KCNK3: variants seen among roughly 807,000 people sequenced by gnomAD.
The protein encoded by KCNK3 is potassium channel subfamily K member 3.
A neutral mutation model predicts 27.3 loss-of-function variants in KCNK3; 9 were observed. The ratio of observed to expected loss-of-function variants is 0.33; its 90% CI spans 0.20 to 0.57. The LOEUF is 0.57. Among genes scored for constraint, KCNK3 ranks in the 20% least tolerant of loss-of-function variants. KCNK3 has a pLI of 0.87. For synonymous variants in KCNK3, 278 were observed against 273.8 expected (o/e 1.02, Z -0.15); for missense variants, 391 against 577.7 (o/e 0.68, Z 3.31).
At chr2:26,718,776 T>G (rs1374443823) in intron 1 of KCNK3, among the ~76,000 whole-genome samples, 3 of 119,230 alleles carry the variant, frequency 2.5e-5, no homozygotes, top group African/African-American at 7.7e-5. Context: ...GCCTAGCTAA[T>G]TTTTCGTTTT....
At chr2:26,722,313 C>T (rs1350578587) in intron 1 of KCNK3, among the ~76,000 whole-genome samples, 1 of 152,216 alleles carries the variant, frequency 6.6e-6, no homozygotes, top group Non-Finnish European at 1.5e-5. Flanking sequence ...AAACACTGAT[C>T]ATAGAATGTT....
At position 26,726,525 on chromosome 2, in the gene KCNK3, T is replaced by C. The variant is rs545009541; in HGVS notation, c.284-1142T>C. On this transcript the variant is annotated intron_variant, in intron 1 of 1. Coordinates refer to ENST00000302909, the MANE Select transcript of KCNK3 (RefSeq NM_002246.3). ...CATTTTATTATCATAATTATGTTAATAAAAGTAGTAAATATATCAACAATA... is the reference window on the plus strand; with the variant it reads ...CATTTTATTATCATAATTATGTTAACAAAAGTAGTAAATATATCAACAATA... Among the ~76,000 whole-genome samples the C allele has an allele frequency of 5.3e-5, 8 of 152,250 alleles. No homozygotes were observed. In the South Asian group the frequency reaches 1.5e-3, roughly 28 times the overall value.
chr2:26,715,686 G>A (rs1393432454), intron 1 of KCNK3, among the ~76,000 whole-genome samples: 6 of 152,212 alleles, frequency 3.9e-5, no homozygotes, highest in African/African-American at 1.4e-4. Flanking sequence ...CCTGAGGGCC[G>A]GGAGGGTGTA....
At chr2:26,702,835 G>A (rs1428425157) in intron 1 of KCNK3, among the ~76,000 whole-genome samples, 1 of 152,140 alleles carries the variant, frequency 6.6e-6, no homozygotes, top group Non-Finnish European at 1.5e-5. Context: ...GGCAGGCTGG[G>A]TCGGGCGTGG....
At position 26,731,501 on chromosome 2, in the gene KCNK3, C is replaced by T. The variant is rs1018383820; in HGVS notation, c.*2933C>T. 1 of 152,430 alleles carries T rather than the reference C, an allele frequency of 6.6e-6. No homozygotes were observed. The highest frequency in any genetic ancestry group is 1.5e-5 in the Non-Finnish European group (1 of 68,248). 9.4% of individuals were successfully genotyped at this position (152,430 alleles called of 1,614,324 possible). A position where few individuals can be genotyped will look rare whatever the true frequency, so the allele number is the denominator to read the frequency against. The stretch of plus-strand genomic sequence containing the variant: ...GCTGACGCACGAGAATCGCTTGAAC[C>T]CGGGAGGCGGAGGTTGCAGTGAGCT... On this transcript the variant is annotated 3_prime_UTR_variant, in exon 2 of 2. Transcript: ENST00000302909.
intron 1 of KCNK3, among the ~76,000 whole-genome samples, chr2:26,715,144 C>T (rs1663206302): frequency 6.6e-6 from 1 of 152,242 alleles, no homozygotes; most frequent in African/African-American, 2.4e-5. Flanking sequence ...AGCTTGTCCC[C>T]TGGCTCAGAC....
At chr2:26,701,058 C>T (rs1332550930) in intron 1 of KCNK3, among the ~76,000 whole-genome samples, 1 of 152,138 alleles carries the variant, frequency 6.6e-6, no homozygotes, top group Non-Finnish European at 1.5e-5. Flanking sequence ...TCTGCATTTC[C>T]AAAAAGCCCC....
intron 1 of KCNK3, among the ~76,000 whole-genome samples, chr2:26,698,730 C>G (rs937950682): frequency 3.3e-5 from 5 of 152,152 alleles, no homozygotes; most frequent in Non-Finnish European, 7.3e-5. Flanking sequence ...TCCCCACCCC[C>G]CATCTCCCCG....
rs192205278 is a variant in KCNK3 at position 26,708,947 on chromosome 2, G to C, written c.283+15789G>C. Reference sequence around the variant, plus strand: ...GGTGGTGGTGGAGACAGAGCTTGTGGGTGGATTGAGCTATGTTTGAGAGGC... The same window carrying C: ...GGTGGTGGTGGAGACAGAGCTTGTGCGTGGATTGAGCTATGTTTGAGAGGC... On this transcript the variant is annotated intron_variant, in intron 1 of 1. Transcript: ENST00000302909. Among the ~76,000 whole-genome samples, 702 of 152,308 alleles carry C rather than the reference G, an allele frequency of 4.6e-3. 8 individuals are homozygous for C. Among genetic ancestry groups the C allele is most frequent in the African/African-American group, 0.015 (643 of 41,566 alleles).
At position 26,708,654 on chromosome 2, in the gene KCNK3, G is replaced by A. The variant is rs538409147; in HGVS notation, c.283+15496G>A. 1.5e-4 allele frequency among the ~76,000 whole-genome samples: 23 copies of A among 152,188 alleles called. No individual in the cohort carries two copies. In the East Asian group the frequency reaches 4.2e-3, roughly 28 times the overall value. ...AGATCGCGCTATTGTACTCCAGCCT[G>A]GACAACAAGAGCAAAAACTCCATCT... is the stretch of plus-strand genomic sequence containing the variant. On this transcript the variant is annotated intron_variant, in intron 1 of 1. Coordinates refer to ENST00000302909, the MANE Select transcript of KCNK3 (RefSeq NM_002246.3).
chr2:26,725,506 CTCCACCAAGTAGTG>C lies in KCNK3; in HGVS notation c.284-2160_284-2147del, dbSNP rs547473403. Reference sequence around the variant, plus strand: ...CATCCATGGTGCCATGCCCTCCCCTCTCCACCAAGTAGTGCCGGCCTGGAGGACAGGGAAGGACG... The same window carrying C: ...CATCCATGGTGCCATGCCCTCCCCTCCCGGCCTGGAGGACAGGGAAGGACG... On this transcript the variant is annotated intron_variant, in intron 1 of 1. Transcript: ENST00000302909. 2.3e-3 allele frequency among the ~76,000 whole-genome samples: 343 copies of C among 152,322 alleles called. 1 individual carries two copies. The highest frequency in any genetic ancestry group is 7.9e-3 in the African/African-American group (327 of 41,566).
At chr2:26,717,063 C>G (rs191291445) in intron 1 of KCNK3, among the ~76,000 whole-genome samples, 1 of 152,314 alleles carries the variant, frequency 6.6e-6, no homozygotes. Context: ...CTCATAAAGC[C>G]TAAAGTATTT....
At position 26,716,465 on chromosome 2, in the gene KCNK3, C is replaced by G. The variant is rs185896454; in HGVS notation, c.284-11202C>G. On this transcript the variant is annotated intron_variant, in intron 1 of 1. Transcript: ENST00000302909. ...TGTTTGAAGGATGATGAGTAATGAACAAAGGGCCCCTGGAGCACTGATTTG... is the reference window on the plus strand; with the variant it reads ...TGTTTGAAGGATGATGAGTAATGAAGAAAGGGCCCCTGGAGCACTGATTTG... Among the ~76,000 whole-genome samples, 9 of 152,224 alleles carry G rather than the reference C, an allele frequency of 5.9e-5. No individual in the cohort carries two copies. The East Asian group carries it at 1.7e-3, about 29-fold the overall frequency.
chr2:26,725,045 A>C (rs1339385437), intron 1 of KCNK3, among the ~76,000 whole-genome samples: 1 of 152,132 alleles, frequency 6.6e-6, no homozygotes, highest in East Asian at 1.9e-4. Flanking sequence ...GCTGCCAGAC[A>C]GGGGGCACTG....
At position 26,731,612 on chromosome 2, in the gene KCNK3, C is replaced by T. The variant is rs1304947757; in HGVS notation, c.*3044C>T. The T allele has an allele frequency of 6.6e-6, 1 of 152,144 alleles. No homozygotes were observed. The highest frequency in any genetic ancestry group is 2.1e-4 in the South Asian group (1 of 4,816). The allele number at this position is 152,144 out of a possible 1,614,324, so 9.4% of individuals were successfully genotyped here. On this transcript the variant is annotated 3_prime_UTR_variant, in exon 2 of 2. Transcript: ENST00000302909. ...AATAATAATAAAATAAAATAACATA[C>T]CTAGCTGACTCGCCATGGGCTCGCT...
intron 1 of KCNK3, among the ~76,000 whole-genome samples, chr2:26,705,666 G>A (rs1412557786): frequency 1.3e-5 from 2 of 152,156 alleles, no homozygotes; most frequent in Non-Finnish European, 2.9e-5. Flanking sequence ...GCCTATGAGG[G>A]GCAAAAAGGC....
Position 26,728,186 on chromosome 2 carries a change from G to A in KCNK3, c.803G>A (p.Gly268Glu), listed in dbSNP as rs1406656979. Reference sequence around the variant, plus strand: ...CACCGCGCGCTGCTCACGCGCAACGGGCAGGCGGGCGGCGGCGGAGGGGGT... The same window carrying A: ...CACCGCGCGCTGCTCACGCGCAACGAGCAGGCGGGCGGCGGCGGAGGGGGT... ...AEHRALLTRN[G>E]QAGGGGGGGS... The change falls in exon 2 of 2, where the codon GGG becomes GAG. Residue 268 changes from glycine to glutamate, a missense_variant. Gly to Glu is a moderately conservative substitution (Grantham distance 98). This residue lies in a region of KCNK3 where 192 missense variants were observed against 196.0 expected (regional missense o/e 0.98). Coordinates refer to ENST00000302909, the MANE Select transcript of KCNK3 (RefSeq NM_002246.3). 1 of 1,568,340 alleles carries A rather than the reference G, an allele frequency of 6.4e-7. No homozygotes were observed. Among genetic ancestry groups the A allele is most frequent in the African/African-American group, 1.4e-5 (1 of 73,844 alleles).
At chr2:26,713,777 C>CAA (rs111240045) in intron 1 of KCNK3, among the ~76,000 whole-genome samples, 2 of 95,794 alleles carry the variant, frequency 2.1e-5, no homozygotes, top group African/African-American at 3.8e-5. Flanking sequence ...GAATCCATCT[C>CAA]AAAAAAAAAA....
At chr2:26,725,336 T>C (rs1329610490) in intron 1 of KCNK3, among the ~76,000 whole-genome samples, 2 of 151,802 alleles carry the variant, frequency 1.3e-5, no homozygotes, top group Non-Finnish European at 2.9e-5. Flanking sequence ...GCAGCGAGGG[T>C]GGGGGTTAAT....
Sources: gnomAD v4.1 joint callset for allele counts (sites outside exome capture counted in the v4.1 genomes callset) on GRCh38, gnomAD v4.1.1 for gene constraint, gnomAD v4.1.1 regional missense constraint, MANE v1.5 for transcripts, NCBI Gene and HGNC (gene_info 2026-07-23, HGNC 2026-07-21) for gene names.